Variants in NCAM2 observed in about 807,000 individuals in gnomAD.
NCAM2 encodes N-CAM-2.
NCAM2 carries 30 observed loss-of-function variants against 98.1 expected under a neutral mutation model. The observed-to-expected ratio is 0.31, with a 90% CI of 0.23 to 0.41. The LOEUF is 0.41. NCAM2 is among the 10% of genes least tolerant of loss of function. The pLI, the probability that NCAM2 is intolerant of heterozygous loss-of-function variation, is 1.00. For missense variants in NCAM2, 867 were observed against 1,005.8 expected (o/e 0.86, Z 1.87); for synonymous variants, 368 against 342.4 (o/e 1.07, Z -0.83).
At chr21:21,431,172 G>GA (rs146739006) in intron 11 of NCAM2, among the ~76,000 whole-genome samples, 42,405 of 146,598 alleles carry the variant, frequency 0.29, 6,337 homozygotes, top group East Asian at 0.48. Flanking sequence ...TTCCCTCTCT[G>GA]AAAAAAAATT....
chr21:21,305,597 G>A, intron 5 of NCAM2, among the ~76,000 whole-genome samples: 1 of 3,768 alleles, frequency 2.7e-4, no homozygotes, highest in East Asian at 0.056. Flanking sequence ...CTAAATTACT[G>A]AGTTTTTTTT....
At chr21:21,430,818 T>A (rs987799433) in intron 11 of NCAM2, among the ~76,000 whole-genome samples, 3 of 151,836 alleles carry the variant, frequency 2.0e-5, no homozygotes, top group Non-Finnish European at 4.4e-5. Context: ...GAGGCCAAGG[T>A]GGGCAGATCA....
At chr21:21,115,335 G>T (rs1201757553) in intron 1 of NCAM2, among the ~76,000 whole-genome samples, 1 of 152,078 alleles carries the variant, frequency 6.6e-6, no homozygotes, top group Admixed American at 6.5e-5. Context: ...CCACCATTTA[G>T]AATCCTTATT....
chr21:21,366,910 A>G (rs1354734216), intron 8 of NCAM2, among the ~76,000 whole-genome samples: 1 of 152,062 alleles, frequency 6.6e-6, no homozygotes, highest in East Asian at 1.9e-4. Context: ...ATTTTAAAAT[A>G]GTTGATCCAT....
In NCAM2 at chr21:21,360,812, G is replaced by A. The variant is rs142428680; in HGVS notation, c.1045-13051G>A. ...GAAAATCCCACAGTAATTTTAAGTGGTCTGTATTTAAAATTATGTTCCAGA... is the reference window on the plus strand; with the variant it reads ...GAAAATCCCACAGTAATTTTAAGTGATCTGTATTTAAAATTATGTTCCAGA... On this transcript the variant is annotated intron_variant, in intron 8 of 17. Coordinates refer to ENST00000400546, the MANE Select transcript of NCAM2 (RefSeq NM_004540.5). Among the ~76,000 whole-genome samples, 990 of 151,938 alleles carry A rather than the reference G, an allele frequency of 6.5e-3. 6 individuals carry two copies. Among genetic ancestry groups the A allele is most frequent in the Middle Eastern group, 0.014 (4 of 294 alleles).
At chr21:21,099,536 T>C (rs2066195082) in intron 1 of NCAM2, among the ~76,000 whole-genome samples, 1 of 151,764 alleles carries the variant, frequency 6.6e-6, no homozygotes, top group South Asian at 2.1e-4. Flanking sequence ...AACCATCAGA[T>C]CTGGTGAAAA....
At chr21:21,267,286 A>G (rs977068231) in intron 1 of NCAM2, among the ~76,000 whole-genome samples, 1 of 152,208 alleles carries the variant, frequency 6.6e-6, no homozygotes, top group South Asian at 2.1e-4. Context: ...AGCTTTGTTT[A>G]GTACACAATG....
intron 8 of NCAM2, among the ~76,000 whole-genome samples, chr21:21,353,973 C>A (rs998448895): frequency 3.9e-5 from 6 of 152,026 alleles, no homozygotes; most frequent in South Asian, 2.1e-4. Flanking sequence ...TGCTATGTTA[C>A]TTGTCAATTT....
rs5842919 is a variant in NCAM2, at chr21:21,371,865, GCACACA to G, written c.1045-1976_1045-1971del. On this transcript the variant is annotated intron_variant, in intron 8 of 17. Transcript: ENST00000400546. ...TGCTTATTGTAAAATAAATGCGCGT[GCACACA>G]CACACACACACACACACACACGCTC... Among the ~76,000 whole-genome samples, 1,479 of 148,464 alleles carry G rather than the reference GCACACA, an allele frequency of 1.0e-2. 24 individuals carry two copies. The highest frequency in any genetic ancestry group is 0.033 in the African/African-American group (1,348 of 40,722).
At chr21:21,445,530 A>AT (rs1979986002) in intron 12 of NCAM2, among the ~76,000 whole-genome samples, 1 of 152,138 alleles carries the variant, frequency 6.6e-6, no homozygotes, top group Non-Finnish European at 1.5e-5. Context: ...TATTGGATGC[A>AT]TATATATTTA....
At position 21,144,078 on chromosome 21, in the gene NCAM2, G is replaced by A. The variant is rs187866056; in HGVS notation, c.56-136500G>A. On this transcript the variant is annotated intron_variant, in intron 1 of 17. Transcript: ENST00000400546. ...AAAAATCAACCTTTTGGCTGGGCAC[G>A]GTGACTCACACCTGTAATCCCAGCA... 2.1e-3 allele frequency among the ~76,000 whole-genome samples: 323 copies of A among 151,958 alleles called. 4 individuals carry two copies. Among genetic ancestry groups the A allele is most frequent in the Admixed American group, 0.019 (295 of 15,258 alleles).
intron 12 of NCAM2, among the ~76,000 whole-genome samples, chr21:21,435,510 G>A (rs1043126942): frequency 7.2e-5 from 11 of 152,080 alleles, no homozygotes; most frequent in African/African-American, 2.7e-4. Flanking sequence ...TACATTGCGG[G>A]GAGTGGGAAG....
intron 1 of NCAM2, among the ~76,000 whole-genome samples, chr21:21,013,628 A>G (rs994681801): frequency 2.0e-5 from 3 of 152,104 alleles, no homozygotes; most frequent in Admixed American, 1.3e-4. Context: ...CTAAAAATAC[A>G]AAATTAGTGG....
intron 1 of NCAM2, among the ~76,000 whole-genome samples, chr21:21,042,652 G>C (rs542853627): frequency 6.6e-6 from 1 of 152,052 alleles, no homozygotes; most frequent in Non-Finnish European, 1.5e-5. Flanking sequence ...TAAAAAATGA[G>C]GTCTGAACTG....
intron 9 of NCAM2, among the ~76,000 whole-genome samples, chr21:21,389,072 C>G (rs1264024108): frequency 6.6e-6 from 1 of 152,156 alleles, no homozygotes. Flanking sequence ...GTGTTGAGAA[C>G]TGTACGAGTC....
intron 16 of NCAM2, among the ~76,000 whole-genome samples, chr21:21,529,483 G>A (rs961456500): frequency 6.6e-6 from 1 of 151,902 alleles, no homozygotes; most frequent in Non-Finnish European, 1.5e-5. Flanking sequence ...TATGCATTCT[G>A]AAATAAAACA....
intron 9 of NCAM2, among the ~76,000 whole-genome samples, chr21:21,392,759 G>T (rs912090699): frequency 1.3e-5 from 2 of 152,166 alleles, no homozygotes; most frequent in African/African-American, 4.8e-5. Flanking sequence ...CTTTTGAGAA[G>T]TGTCTGTTCA....
intron 8 of NCAM2, among the ~76,000 whole-genome samples, chr21:21,354,392 TTTC>T (rs1431804994): frequency 6.6e-6 from 1 of 152,210 alleles, no homozygotes; most frequent in Non-Finnish European, 1.5e-5. Context: ...ACATGTCCTC[TTTC>T]TTCTTTAAAT....
chr21:21,412,639 A>G (rs73214407), intron 10 of NCAM2, among the ~76,000 whole-genome samples: 37,847 of 152,084 alleles, frequency 0.25, 4,812 homozygotes, highest in Admixed American at 0.28. Flanking sequence ...AAATTTTAAA[A>G]AACCCACAAT....
Sources: gnomAD v4.1 joint callset for allele counts (sites outside exome capture counted in the v4.1 genomes callset) on GRCh38, gnomAD v4.1.1 for gene constraint, MANE v1.5 for transcripts, NCBI Gene and HGNC (gene_info 2026-07-23, HGNC 2026-07-21) for gene names.